EIF3A: variants seen among roughly 807,000 people sequenced by gnomAD.
The protein encoded by EIF3A is eukaryotic translation initiation factor 3 subunit A.
Under a neutral mutation model 186.6 loss-of-function variants are expected in EIF3A, and 21 were observed. The ratio of observed to expected loss-of-function variants is 0.11; its 90% confidence interval spans 0.08 to 0.16. EIF3A has a LOEUF of 0.16. Among genes scored for constraint, EIF3A ranks in the 10% least tolerant of loss-of-function variants. EIF3A has a pLI of 1.00. For missense variants in EIF3A, 1,306 were observed against 1,796.3 expected, an observed-to-expected ratio of 0.73 and a Z score of 4.93; for synonymous variants, 563 against 584.3, an observed-to-expected ratio of 0.96 and a Z score of 0.52.
chr10:119,045,940 C>T (rs779349538), intron 17 of EIF3A, among the ~76,000 whole-genome samples: 1 of 152,010 alleles, frequency 6.6e-6, no homozygotes, highest in Non-Finnish European at 1.5e-5. Context: ...GAACCTGGTA[C>T]AAACAAACAA....
Position 119,051,207 on chromosome 10 carries a change from C to A in EIF3A, c.2311G>T (p.Val771Phe). Residue 771 changes from valine to phenylalanine, a missense_variant, in exon 15 of 22, where the codon GTT (valine) becomes TTT (phenylalanine). Coordinates refer to ENST00000369144, the MANE Select transcript of EIF3A (RefSeq NM_003750.4). ...AAAATCAGCAAGCTCACCTCATAAA[C>A]AGACTGCCGTGCAGCTTTGAGTCGC... ...VMRLKAARQS[V>F]YEEKLKQFEE... 3 of 1,605,564 alleles carry A rather than the reference C, an allele frequency of 1.9e-6. No homozygotes were observed. Among genetic ancestry groups the A allele is most frequent in the Non-Finnish European group, 1.7e-6 (2 of 1,177,964 alleles).
At chr10:119,050,802 CA>C in intron 15 of EIF3A, 128 bp from the exon 16 acceptor site, 1 of 993,782 alleles carries the variant, frequency 1.0e-6, no homozygotes, top group Non-Finnish European at 1.5e-6. Flanking sequence ...CCTCTCAGCA[CA>C]AAAACTCTAA....
intron 12 of EIF3A, among the ~76,000 whole-genome samples, chr10:119,057,324 T>C (rs1347408658): frequency 1.3e-5 from 2 of 152,232 alleles, no homozygotes; most frequent in Non-Finnish European, 2.9e-5. Context: ...ATGCTCCCAA[T>C]TTTAAAACTT....
chr10:119,056,626 A>G (rs1843787054), intron 14 of EIF3A, 114 bp downstream of exon 14: 2 of 699,724 alleles, frequency 2.9e-6, no homozygotes, highest in Non-Finnish European at 4.8e-6. Context: ...CAGCCATTAG[A>G]GCACCATTTC....
chr10:119,036,154 C>T lies in EIF3A; in HGVS notation c.4034G>A (p.Arg1345Gln), dbSNP rs775695722. The change falls in exon 22 of 22, where the codon CGA becomes CAA. Residue 1345 changes from arginine (R) to glutamine (Q), a missense_variant. Around this residue, in one of 8 missense-constraint regions of EIF3A, gnomAD observed 331 missense variants for 365.8 expected, o/e 0.90. Coordinates refer to ENST00000369144, the MANE Select transcript of EIF3A (RefSeq NM_003750.4). Reference protein sequence around the residue: ...LSRDRERDRDREREGEKEKAS... With the variant: ...LSRDRERDRDQEREGEKEKAS... ...CTTCTCTTTTTCACCTTCTCTTTCT[C>T]GGTCTCGGTCTCTTTCTCGGTCTCT... 4.5e-5 allele frequency: 73 copies of T among 1,613,698 alleles called. No homozygotes were observed. Among genetic ancestry groups the T allele is most frequent in the Non-Finnish European group, 5.8e-5 (69 of 1,179,844 alleles).
chr10:119,080,301 G>A (rs1307275833), intron 1 of EIF3A: 1 of 985,132 alleles, frequency 1.0e-6, no homozygotes, highest in Non-Finnish European at 1.2e-6. Context: ...GACCTGGAGA[G>A]CCAGAGGACG....
At chr10:119,060,171 T>A (rs1338905809) in intron 9 of EIF3A, 1 of 497,434 alleles carries the variant, frequency 2.0e-6, no homozygotes, top group Non-Finnish European at 3.9e-6. Context: ...TAAAACGCCC[T>A]CCTTCCCAAA....
At chr10:119,070,796 T>A (rs1844059017) in intron 5 of EIF3A, 90 bp downstream of exon 5, 1 of 885,206 alleles carries the variant, frequency 1.1e-6, no homozygotes, top group Non-Finnish European at 1.8e-6. Context: ...AATTAACCAA[T>A]GCATACCAAG....
At chr10:119,063,677 T>C (rs1056923920) in intron 7 of EIF3A, among the ~76,000 whole-genome samples, 1 of 152,202 alleles carries the variant, frequency 6.6e-6, no homozygotes, top group Non-Finnish European at 1.5e-5. Flanking sequence ...ATCCCTAGAA[T>C]CTCAGCTCCC....
At chr10:119,077,607 T>C (rs1344444943) in intron 1 of EIF3A, among the ~76,000 whole-genome samples, 1 of 150,536 alleles carries the variant, frequency 6.6e-6, no homozygotes, top group Non-Finnish European at 1.5e-5. Context: ...CACGCTGGAG[T>C]GCAGTGGCGC....
At chr10:119,039,647 G>C (rs1848182198) in intron 19 of EIF3A, among the ~76,000 whole-genome samples, 1 of 152,124 alleles carries the variant, frequency 6.6e-6, no homozygotes, top group Non-Finnish European at 1.5e-5. Flanking sequence ...TCCAGCCTGG[G>C]AGACAGTGAG....
chr10:119,038,183 C>T (rs1432413967), intron 20 of EIF3A, 55 bp downstream of exon 20: 2 of 1,477,326 alleles, frequency 1.4e-6, no homozygotes, highest in Middle Eastern at 1.7e-4. Flanking sequence ...GCTGGGATTA[C>T]AGGCATGAGC....
intron 5 of EIF3A, among the ~76,000 whole-genome samples, chr10:119,070,362 C>T (rs1844052052): frequency 6.6e-6 from 1 of 152,196 alleles, no homozygotes; most frequent in Non-Finnish European, 1.5e-5. Context: ...GAATAATCTA[C>T]AGCAGCACTT....
intron 1 of EIF3A, among the ~76,000 whole-genome samples, chr10:119,074,168 T>A (rs1844120283): frequency 6.6e-6 from 1 of 152,162 alleles, no homozygotes; most frequent in South Asian, 2.1e-4. Context: ...TATTCCACTG[T>A]GATTTAAAAG....
intron 9 of EIF3A, 29 bp downstream of exon 9, chr10:119,060,717 C>CA: frequency 6.4e-7 from 1 of 1,558,150 alleles, no homozygotes; most frequent in Non-Finnish European, 8.7e-7. Flanking sequence ...CATAACATCA[C>CA]AAAACTTTTT....
Position 119,069,463 on chromosome 10 carries a change from T to C in EIF3A, c.933A>G (p.Thr311=), listed in dbSNP as rs1241864496. ...HLSREMRKNL[T]QDEMQRMSTR... ...ATTTTTACCTTTGCATCTCATCTTG[T>C]GTGAGATTCTTTCTCATTTCTCTAG... Residue 311 remains threonine (T), a synonymous_variant, in exon 6 of 22, where the codon ACA becomes ACG. Transcript: ENST00000369144. The C allele has an allele frequency of 1.3e-6, 2 of 1,483,046 alleles. No individual in the cohort carries two copies. Among genetic ancestry groups the C allele is most frequent in the Non-Finnish European group, 1.9e-6 (2 of 1,060,216 alleles). The allele number at this position is 1,483,046 out of a possible 1,614,324, so 91.9% of individuals were successfully genotyped here. A position where few individuals can be genotyped will look rare whatever the true frequency, so the allele number is the denominator to read the frequency against.
At chr10:119,079,986 G>A (rs1223264010) in intron 1 of EIF3A, among the ~76,000 whole-genome samples, 3 of 152,124 alleles carry the variant, frequency 2.0e-5, no homozygotes, top group Admixed American at 2.0e-4. Flanking sequence ...CAGGAAAAAT[G>A]AAAAAACAAA....
At position 119,059,247 on chromosome 10, in the gene EIF3A, T is replaced by C. The variant is rs752035689; in HGVS notation, c.1594A>G (p.Lys532Glu). ...QLTAMSSVLA[K>E]ALEVIKPAHI... Reference sequence around the variant, plus strand: ...GCTGGTTTAATGACTTCAAGTGCTTTTGCAAGTACTGAGGACATGGCTGTC... The same window carrying C: ...GCTGGTTTAATGACTTCAAGTGCTTCTGCAAGTACTGAGGACATGGCTGTC... The change falls in exon 11 of 22, where the codon AAA (lysine) becomes GAA (glutamate). Residue 532 changes from lysine (K) to glutamate (E), a missense_variant. Coordinates refer to ENST00000369144, the MANE Select transcript of EIF3A (RefSeq NM_003750.4). The C allele has an allele frequency of 9.9e-6, 16 of 1,614,214 alleles. No homozygotes were observed. The highest frequency in any genetic ancestry group is 1.3e-5 in the Non-Finnish European group (15 of 1,180,036).
At chr10:119,072,442 T>G (rs935610827) in intron 4 of EIF3A, among the ~76,000 whole-genome samples, 1 of 36,916 alleles carries the variant, frequency 2.7e-5, no homozygotes, top group Non-Finnish European at 7.9e-5. Flanking sequence ...GGTTTTGTTT[T>G]GTTTTGTTTT....
Sources: allele counts gnomAD v4.1 joint callset (sites outside exome capture counted in the v4.1 genomes callset), GRCh38; gene constraint gnomAD v4.1.1; regional missense constraint gnomAD v4.1.1; transcripts MANE v1.5; gene names NCBI Gene and HGNC (gene_info 2026-07-23, HGNC 2026-07-21).